NCAM1: variants seen among roughly 807,000 people sequenced by gnomAD.
NCAM1 encodes neural cell adhesion molecule 1.
NCAM1 carries 14 observed loss-of-function variants against 109.8 expected under a neutral mutation model. That is an observed-to-expected ratio of 0.13 (90% CI 0.08 to 0.20). The LOEUF (loss-of-function observed/expected upper bound fraction) is 0.20, where lower values mean the gene tolerates loss of function less well. NCAM1 is among the 10% of genes least tolerant of loss of function. The pLI is 1.00. For missense variants in NCAM1, 774 were observed against 1,109.9 expected, an observed-to-expected ratio of 0.70 and a Z score of 4.30; for synonymous variants, 418 against 442.9, an observed-to-expected ratio of 0.94 and a Z score of 0.70.
At chr11:113,026,723 T>C (rs886245121) in intron 1 of NCAM1, among the ~76,000 whole-genome samples, 3 of 152,206 alleles carry the variant, frequency 2.0e-5, no homozygotes, top group Admixed American at 6.5e-5. Flanking sequence ...CTGTGTCTAC[T>C]CATCTTTAAG....
rs374750596 is a variant in NCAM1, at chr11:113,256,617, TG to T, written c.1953+618del. ...CCAGTTCCCTCACCAGCCCTTCACTTGGCCACCTGAGCTGTCCTAATCCTGC... is the reference window on the plus strand; with the variant it reads ...CCAGTTCCCTCACCAGCCCTTCACTTGCCACCTGAGCTGTCCTAATCCTGC... On this transcript the variant is annotated intron_variant, in intron 16 of 19. Coordinates refer to ENST00000316851, the MANE Select transcript of NCAM1 (RefSeq NM_181351.5). Among the ~76,000 whole-genome samples the T allele has an allele frequency of 5.7e-3, 862 of 152,312 alleles. 10 individuals are homozygous for T. Among genetic ancestry groups the T allele is most frequent in the Non-Finnish European group, 8.6e-3 (585 of 68,032 alleles).
rs143881638 is a variant in NCAM1, at chr11:113,016,979, T to C, written c.52+55315T>C. ...AGGAGAGGGTGCTTCCAACCGATGT[T>C]TGCATTAAAGGAATTTGTTAGGTCT... On this transcript the variant is annotated intron_variant, in intron 1 of 19. Transcript: ENST00000316851. Among the ~76,000 whole-genome samples the C allele has an allele frequency of 1.1e-4, 17 of 152,346 alleles. No individual in the cohort carries two copies. In the East Asian group the frequency reaches 1.9e-3, roughly 17 times the overall value.
chr11:113,184,076 C>A lies in NCAM1; in HGVS notation c.53-18303C>A, dbSNP rs550512180. ...ATTCCCAAATTCAAGGAAGAGCTAA[C>A]AAATCACTGAATGGCTTTTTCTTTA... On this transcript the variant is annotated intron_variant, in intron 1 of 19. Coordinates refer to ENST00000316851, the MANE Select transcript of NCAM1 (RefSeq NM_181351.5). Among the ~76,000 whole-genome samples the A allele has an allele frequency of 2.0e-5, 3 of 152,276 alleles. No individual in the cohort carries two copies. The East Asian group carries it at 5.8e-4, about 29-fold the overall frequency.
chr11:113,188,598 A>G (rs1482642402), intron 1 of NCAM1, among the ~76,000 whole-genome samples: 1 of 152,210 alleles, frequency 6.6e-6, no homozygotes, highest in African/African-American at 2.4e-5. Flanking sequence ...TGTCAGTCCA[A>G]TTTGGAATAG....
At chr11:113,081,127 T>C (rs1181862101) in intron 1 of NCAM1, among the ~76,000 whole-genome samples, 1 of 152,198 alleles carries the variant, frequency 6.6e-6, no homozygotes, top group East Asian at 1.9e-4. Flanking sequence ...GGAGAGATGA[T>C]TCCTGATAAA....
intron 1 of NCAM1, among the ~76,000 whole-genome samples, chr11:113,138,217 C>T (rs1278657135): frequency 6.6e-6 from 1 of 152,178 alleles, no homozygotes; most frequent in Non-Finnish European, 1.5e-5. Context: ...ATTAATTTCT[C>T]GACGTGCTGG....
intron 1 of NCAM1, among the ~76,000 whole-genome samples, chr11:113,121,502 T>G (rs928722051): frequency 8.1e-6 from 1 of 123,438 alleles, no homozygotes; most frequent in Non-Finnish European, 1.6e-5. Flanking sequence ...ATTACAGGCA[T>G]GAGCCACTGT....
At position 113,260,118 on chromosome 11, in the gene NCAM1, T is replaced by C. The variant is rs372515318; in HGVS notation, c.1954-28T>C. 1.4e-5 allele frequency: 22 copies of C among 1,592,874 alleles called. No homozygotes were observed. In the Middle Eastern group the frequency reaches 5.0e-4, roughly 36 times the overall value. On this transcript the variant is annotated intron_variant, in intron 16 of 19. Transcript: ENST00000316851. ...TATCTAAAGCTTTTTTGGTCTCTTG[T>C]ATCCTTCTTGCCGGTTTCTCCCAGA... is the stretch of plus-strand genomic sequence containing the variant.
intron 1 of NCAM1, among the ~76,000 whole-genome samples, chr11:113,009,165 T>A (rs1277302702): frequency 5.3e-5 from 8 of 152,054 alleles, no homozygotes; most frequent in African/African-American, 1.9e-4. Flanking sequence ...TTTTTCTTTT[T>A]CAAATAGGAC....
Position 113,235,060 on chromosome 11 carries a change from T to C in NCAM1, c.1721T>C (p.Val574Ala). ...AGCATGGAGGGCATCGTCACCATCG[T>C]GGGCCTGAAGCCCGAAACAACGTAC... ...EASMEGIVTI[V>A]GLKPETTYAV... The change falls in exon 14 of 20, where the codon GTG (valine) becomes GCG (alanine). Residue 574 changes from valine to alanine, a missense_variant. Val to Ala is a moderately conservative substitution (Grantham distance 64). This residue lies in a region of NCAM1 where 523 missense variants were observed against 784.2 expected (regional missense o/e 0.67). Coordinates refer to ENST00000316851, the MANE Select transcript of NCAM1 (RefSeq NM_181351.5). The C allele has an allele frequency of 2.5e-6, 4 of 1,570,584 alleles. No individual in the cohort carries two copies.
intron 1 of NCAM1, among the ~76,000 whole-genome samples, chr11:112,967,430 A>C (rs1950757729): frequency 6.6e-6 from 1 of 152,210 alleles, no homozygotes; most frequent in African/African-American, 2.4e-5. Flanking sequence ...TAGAGACTAG[A>C]GATTAAGAGA....
chr11:113,119,613 G>A (rs1173425086), intron 1 of NCAM1, among the ~76,000 whole-genome samples: 1 of 152,150 alleles, frequency 6.6e-6, no homozygotes, highest in Non-Finnish European at 1.5e-5. Flanking sequence ...GGTGGAGGAA[G>A]TGATATTTAA....
intron 1 of NCAM1, among the ~76,000 whole-genome samples, chr11:113,093,094 C>T (rs1939426798): frequency 1.3e-5 from 2 of 152,194 alleles, no homozygotes; most frequent in Non-Finnish European, 2.9e-5. Flanking sequence ...AGAACAAACA[C>T]CGAGCATTAG....
At chr11:113,177,751 C>G (rs1943209631) in intron 1 of NCAM1, among the ~76,000 whole-genome samples, 2 of 152,142 alleles carry the variant, frequency 1.3e-5, no homozygotes, top group Admixed American at 1.3e-4. Context: ...TCATGTCTTT[C>G]CTACAGTTTG....
chr11:112,971,246 G>A (rs1319148401), intron 1 of NCAM1, among the ~76,000 whole-genome samples: 1 of 151,278 alleles, frequency 6.6e-6, no homozygotes, highest in Non-Finnish European at 1.5e-5. Flanking sequence ...CTCTCTCTCT[G>A]TCTCTGTCTC....
intron 1 of NCAM1, among the ~76,000 whole-genome samples, chr11:113,182,333 C>T (rs1174479761): frequency 3.9e-5 from 6 of 152,142 alleles, no homozygotes; most frequent in African/African-American, 9.7e-5. Flanking sequence ...TTCTTCCTGC[C>T]GGTCAAGCAG....
chr11:113,074,311 T>C (rs11214476), intron 1 of NCAM1, among the ~76,000 whole-genome samples: 30,378 of 152,102 alleles, frequency 0.2, 3,315 homozygotes, highest in East Asian at 0.47. Flanking sequence ...ATGTAAATGG[T>C]ACCCCTGGAT....
At chr11:113,220,360 C>T (rs377614172) in intron 8 of NCAM1, among the ~76,000 whole-genome samples, 2 of 152,126 alleles carry the variant, frequency 1.3e-5, no homozygotes, top group East Asian at 1.9e-4. Flanking sequence ...AGCCCTCCCT[C>T]AACCACTTCC....
At chr11:113,089,356 C>T (rs1939235035) in intron 1 of NCAM1, among the ~76,000 whole-genome samples, 1 of 140,930 alleles carries the variant, frequency 7.1e-6, no homozygotes, top group Non-Finnish European at 1.5e-5. Flanking sequence ...TCCCTTGAAA[C>T]TAAAAAATAG....
Sources: gnomAD v4.1 joint callset for allele counts (sites outside exome capture counted in the v4.1 genomes callset) on GRCh38, gnomAD v4.1.1 for gene constraint, gnomAD v4.1.1 regional missense constraint, MANE v1.5 for transcripts, NCBI Gene and HGNC (gene_info 2026-07-23, HGNC 2026-07-21) for gene names.